SCN11A: variants seen among roughly 807,000 people sequenced by gnomAD.
SCN11A encodes the protein sodium voltage-gated channel alpha subunit 11.
A neutral mutation model predicts 162.2 loss-of-function variants in SCN11A; 122 were observed. The observed-to-expected ratio is 0.75, with a 90% CI of 0.65 to 0.87. The LOEUF (loss-of-function observed/expected upper bound fraction) is 0.87. Among genes scored for constraint, SCN11A ranks in the 40% least tolerant of loss-of-function variants. The pLI, the probability that SCN11A is intolerant of heterozygous loss-of-function variation, is 0.00. For missense variants in SCN11A, 2,015 were observed against 2,181.6 expected (o/e 0.92, Z 1.52); for synonymous variants, 758 against 751.5 (o/e 1.01, Z -0.14).
intron 23 of SCN11A, among the ~76,000 whole-genome samples, chr3:38,874,986 T>C (rs1227093448): frequency 6.6e-6 from 1 of 152,204 alleles, no homozygotes; most frequent in East Asian, 1.9e-4. Flanking sequence ...ATAAATATTA[T>C]AGAACTGTTC....
At position 39,010,524 on chromosome 3, in the gene SCN11A, G is replaced by A. The variant is rs887892427; in HGVS notation, c.-280+21856C>T. 1.3e-4 allele frequency among the ~76,000 whole-genome samples: 20 copies of A among 151,788 alleles called. 1 individual carries two copies. Among genetic ancestry groups the A allele is most frequent in the East Asian group, 3.9e-4 (2 of 5,180 alleles). ...CTCCCAAGTAGCTGGGACTACAGGC[G>A]CCCGCCACCATGCCCGGCTAATTTT... is the stretch of plus-strand genomic sequence containing the variant. On this transcript the variant is annotated intron_variant, in intron 2 of 29. Transcript: ENST00000302328.
chr3:38,981,525 GTGTGTGTGTGTT>G (rs1170667319), intron 2 of SCN11A, among the ~76,000 whole-genome samples: 1 of 135,528 alleles, frequency 7.4e-6, no homozygotes, highest in Non-Finnish European at 1.5e-5. Context: ...TTTCTGTGTT[GTGTGTGTGTGTT>G]TGTGTGTGTG....
intron 2 of SCN11A, among the ~76,000 whole-genome samples, chr3:39,024,943 C>A (rs1002642598): frequency 6.6e-6 from 1 of 152,204 alleles, no homozygotes; most frequent in East Asian, 1.9e-4. Context: ...TGTATATACA[C>A]ATTACATAAA....
At chr3:38,931,795 T>G (rs868026971) in intron 7 of SCN11A, among the ~76,000 whole-genome samples, 9 of 152,344 alleles carry the variant, frequency 5.9e-5, no homozygotes, top group Admixed American at 1.3e-4. Context: ...GGGAGTGATT[T>G]TTTGCCTCTG....
intron 2 of SCN11A, among the ~76,000 whole-genome samples, chr3:38,990,845 G>C (rs1210162455): frequency 1.3e-5 from 2 of 152,046 alleles, no homozygotes; most frequent in South Asian, 2.1e-4. Context: ...CTGACTCAGG[G>C]GTCTGTGTTC....
At chr3:38,987,303 TCACACACA>T (rs57092499) in intron 2 of SCN11A, among the ~76,000 whole-genome samples, 10,545 of 104,216 alleles carry the variant, frequency 0.1, 1,163 homozygotes, top group African/African-American at 0.3. Context: ...TCTCTCTCTC[TCACACACA>T]CACACACACA....
At chr3:38,941,269 AAAAC>A (rs1266268193) in intron 7 of SCN11A, among the ~76,000 whole-genome samples, 28 of 152,234 alleles carry the variant, frequency 1.8e-4, no homozygotes, top group African/African-American at 6.5e-4. Flanking sequence ...AAGTGCTAGA[AAAAC>A]AAATTGTCAA....
chr3:38,898,749 TC>T (rs34757218), intron 17 of SCN11A, among the ~76,000 whole-genome samples: 1 of 152,094 alleles, frequency 6.6e-6, no homozygotes, highest in Admixed American at 6.5e-5. Flanking sequence ...GTTAAGCACA[TC>T]CCCTATTTGG....
chr3:38,929,413 T>C (rs1031196753), intron 7 of SCN11A, among the ~76,000 whole-genome samples: 7 of 151,946 alleles, frequency 4.6e-5, no homozygotes, highest in African/African-American at 1.7e-4. Context: ...AAATGGGGAG[T>C]TGGTATTTCA....
intron 26 of SCN11A, 24 bp from the exon 27 acceptor site, chr3:38,867,482 A>G (rs545544680): frequency 3.8e-6 from 6 of 1,568,852 alleles, no homozygotes; most frequent in Non-Finnish European, 5.2e-6. Context: ...TTTTAATAAG[A>G]GAAAAAAACA....
chr3:38,989,166 C>T (rs1243854009), intron 2 of SCN11A, among the ~76,000 whole-genome samples: 5 of 152,208 alleles, frequency 3.3e-5, no homozygotes, highest in African/African-American at 9.7e-5. Flanking sequence ...GCTGGGGAGA[C>T]CACAAGTAGC....
At chr3:38,858,530 T>TA (rs1324154211) in intron 28 of SCN11A, among the ~76,000 whole-genome samples, 1 of 152,096 alleles carries the variant, frequency 6.6e-6, no homozygotes, top group African/African-American at 2.4e-5. Flanking sequence ...CAATCACTAT[T>TA]AGACCTAAGT....
intron 2 of SCN11A, among the ~76,000 whole-genome samples, chr3:38,970,283 C>T (rs1314936578): frequency 6.6e-6 from 1 of 152,166 alleles, no homozygotes; most frequent in Admixed American, 6.5e-5. Flanking sequence ...TGTTTCCAAT[C>T]TTAAAGATGC....
chr3:38,980,227 T>C (rs2029977509), intron 2 of SCN11A, among the ~76,000 whole-genome samples: 1 of 151,286 alleles, frequency 6.6e-6, no homozygotes, highest in Non-Finnish European at 1.5e-5. Context: ...CTTTCTGCTT[T>C]CTTTGAGAAA....
chr3:38,947,788 G>A (rs1408020309), intron 5 of SCN11A, among the ~76,000 whole-genome samples: 2 of 152,196 alleles, frequency 1.3e-5, no homozygotes, highest in Non-Finnish European at 2.9e-5. Flanking sequence ...CCATGTAACT[G>A]TAATCTAGCT....
intron 2 of SCN11A, among the ~76,000 whole-genome samples, chr3:38,993,892 C>T (rs2030530522): frequency 6.6e-6 from 1 of 152,208 alleles, no homozygotes; most frequent in African/African-American, 2.4e-5. Flanking sequence ...GGCAAGTTCT[C>T]CACAAATTAC....
chr3:39,021,192 G>A (rs565096183), intron 2 of SCN11A, among the ~76,000 whole-genome samples: 2 of 152,140 alleles, frequency 1.3e-5, no homozygotes, highest in Non-Finnish European at 1.5e-5. Flanking sequence ...TAGAAGTAAG[G>A]CAAATTAAAT....
At position 38,897,197 on chromosome 3, in the gene SCN11A, C is replaced by T; in HGVS notation, c.2051G>A (p.Trp684Ter). 1 of 1,611,064 alleles carries T rather than the reference C, an allele frequency of 6.2e-7. No homozygotes were observed. Among genetic ancestry groups the T allele is most frequent in the Non-Finnish European group, 8.5e-7 (1 of 1,178,544 alleles). The part of the protein sequence containing the change: ...VLRVFKLAKS[W>*]PTLNTLIKII... ...CTTAATTAGTGTGTTCAAAGTTGGC[C>T]AGGATTTGGCTAACTTGAAGACCCT... Residue 684 changes from tryptophan (W) to a stop codon, truncating the protein, a stop_gained, in exon 18 of 30, where the codon TGG becomes TAG. Coordinates refer to ENST00000302328, the MANE Select transcript of SCN11A (RefSeq NM_001349253.2). LOFTEE classifies it high-confidence loss of function.
At chr3:38,890,900 A>G (rs2065488738) in intron 19 of SCN11A, among the ~76,000 whole-genome samples, 1 of 152,236 alleles carries the variant, frequency 6.6e-6, no homozygotes, top group Non-Finnish European at 1.5e-5. Context: ...CCAGATTACC[A>G]TTTAATAAAG....
Sources: allele counts gnomAD v4.1 joint callset (sites outside exome capture counted in the v4.1 genomes callset), GRCh38; gene constraint gnomAD v4.1.1; transcripts MANE v1.5; gene names NCBI Gene and HGNC (gene_info 2026-07-23, HGNC 2026-07-21).